DIP2B: variants seen among roughly 807,000 people sequenced by gnomAD.
DIP2B encodes the protein disco-interacting protein 2 homolog B.
DIP2B carries 76 observed loss-of-function variants against 198.0 expected under a neutral mutation model. The observed-to-expected ratio is 0.38, with a 90% confidence interval of 0.32 to 0.46. The LOEUF (loss-of-function observed/expected upper bound fraction) is 0.46, where lower values mean the gene tolerates loss of function less well. DIP2B is among the 20% of genes least tolerant of loss of function. The probability of loss-of-function intolerance (pLI) is 0.99; values close to 1 mark genes in which losing one functional copy is unlikely to be tolerated. For synonymous variants in DIP2B, 701 were observed against 739.1 expected, an observed-to-expected ratio of 0.95 and a Z score of 0.84; for missense variants, 1,559 against 1,978.4, an observed-to-expected ratio of 0.79 and a Z score of 4.02.
intron 25 of DIP2B, 66 bp downstream of exon 25, chr12:50,719,101 T>A (rs761481763): frequency 8.1e-5 from 122 of 1,506,580 alleles, no homozygotes; most frequent in Non-Finnish European, 1.1e-4. Flanking sequence ...GCACTCTTGA[T>A]CTCTTTCTTT....
At chr12:50,630,898 T>G (rs1251977910) in intron 2 of DIP2B, among the ~76,000 whole-genome samples, 1 of 152,002 alleles carries the variant, frequency 6.6e-6, no homozygotes, top group Admixed American at 6.6e-5. Flanking sequence ...CTCGAACTCC[T>G]GACCTCAGGT....
At chr12:50,695,797 T>C in intron 15 of DIP2B, 51 bp from the exon 16 acceptor site, 1 of 1,605,572 alleles carries the variant, frequency 6.2e-7, no homozygotes, top group Non-Finnish European at 8.5e-7. Flanking sequence ...GTGTATTACA[T>C]ATGTCCCAAA....
intron 1 of DIP2B, among the ~76,000 whole-genome samples, chr12:50,530,113 G>C (rs1789355279): frequency 1.3e-5 from 2 of 151,932 alleles, no homozygotes; most frequent in South Asian, 4.2e-4. Flanking sequence ...GTCTCTCTCT[G>C]TCGCCCAGGC....
intron 8 of DIP2B, chr12:50,679,334 A>T (rs543051507): frequency 2.3e-5 from 4 of 171,758 alleles, no homozygotes; most frequent in African/African-American, 7.2e-5. Flanking sequence ...TTTCTTTTTA[A>T]AATAACTTCA....
chr12:50,591,997 C>T (rs958300644), intron 1 of DIP2B, among the ~76,000 whole-genome samples: 1 of 151,680 alleles, frequency 6.6e-6, no homozygotes, highest in African/African-American at 2.4e-5. Context: ...CCTGCCTCAG[C>T]CTCCCAAGTA....
At chr12:50,688,471 G>A (rs2090851) in intron 12 of DIP2B, among the ~76,000 whole-genome samples, 89,924 of 151,622 alleles carry the variant, frequency 0.59, 27,658 homozygotes, top group Non-Finnish European at 0.69. Context: ...GAGTAACATA[G>A]TGAGACCCTG....
chr12:50,519,563 A>G (rs1958097221), intron 1 of DIP2B, among the ~76,000 whole-genome samples: 1 of 152,206 alleles, frequency 6.6e-6, no homozygotes, highest in Non-Finnish European at 1.5e-5. Flanking sequence ...AATATTTTGG[A>G]TGCTACATGG....
intron 36 of DIP2B, 151 bp downstream of exon 36, chr12:50,739,737 A>G: frequency 1.9e-6 from 2 of 1,043,896 alleles, no homozygotes; most frequent in Non-Finnish European, 2.7e-6. Flanking sequence ...CTTCATTTGG[A>G]GTCATGCCTT....
At chr12:50,673,400 A>C (rs1403413810) in intron 5 of DIP2B, among the ~76,000 whole-genome samples, 2 of 152,268 alleles carry the variant, frequency 1.3e-5, no homozygotes, top group African/African-American at 4.8e-5. Context: ...ACAGAAAGCC[A>C]CTAAAAAACT....
intron 1 of DIP2B, among the ~76,000 whole-genome samples, chr12:50,536,978 G>T (rs1297731410): frequency 6.6e-6 from 1 of 151,082 alleles, no homozygotes; most frequent in East Asian, 1.9e-4. Flanking sequence ...CTTTAGTTCT[G>T]ACTCTGACAC....
chr12:50,612,528 A>C (rs1404366073), intron 1 of DIP2B, among the ~76,000 whole-genome samples: 1 of 150,592 alleles, frequency 6.6e-6, no homozygotes, highest in African/African-American at 2.4e-5. Flanking sequence ...TCCCAGGCTC[A>C]AGTGATTCTC....
chr12:50,522,045 G>T (rs1000036055), intron 1 of DIP2B, among the ~76,000 whole-genome samples: 3 of 151,848 alleles, frequency 2.0e-5, no homozygotes. Context: ...CTGTCACCCA[G>T]ACTGGAGTGC....
Position 50,720,549 on chromosome 12 carries a change from A to G in DIP2B, c.3043-724A>G, listed in dbSNP as rs570488108. Among the ~76,000 whole-genome samples, 6 of 152,160 alleles carry G rather than the reference A, an allele frequency of 3.9e-5. No homozygotes were observed. In the South Asian group the frequency reaches 1.2e-3, roughly 32 times the overall value. On this transcript the variant is annotated intron_variant, in intron 25 of 37. Coordinates refer to ENST00000301180, the MANE Select transcript of DIP2B (RefSeq NM_173602.3). ...TACTTTTATGACAGAAAATTTGGGGACTTTCTTGTTCCACCTCTGCATGAA... is the reference window on the plus strand; with the variant it reads ...TACTTTTATGACAGAAAATTTGGGGGCTTTCTTGTTCCACCTCTGCATGAA...
chr12:50,664,830 G>GGTTTTTTTTTT (rs1938718323), intron 4 of DIP2B, among the ~76,000 whole-genome samples: 1 of 99,686 alleles, frequency 1.0e-5, no homozygotes, highest in African/African-American at 4.2e-5. Flanking sequence ...TCCTTTTTTG[G>GGTTTTTTTTTT]TTTTTGTTTT....
Position 50,625,976 on chromosome 12 carries a change from G to A in DIP2B, c.101G>A (p.Gly34Glu). 6.2e-7 allele frequency: 1 copy of A among 1,613,836 alleles called. No homozygotes were observed. Among genetic ancestry groups the A allele is most frequent in the Non-Finnish European group, 8.5e-7 (1 of 1,179,884 alleles). ...CTATTTCTGTTTCTTGCTATTTTAG[G>A]GGACATCACCCAGAAGGGCTATGAA... ...LAELELELSE[G>E]DITQKGYEKK... Residue 34 changes from glycine (G) to glutamate (E), a missense_variant and splice_region_variant, in exon 2 of 38, where the codon GGG (glycine) becomes GAG (glutamate). Transcript: ENST00000301180.
chr12:50,674,708 C>G lies in DIP2B; in HGVS notation c.796+79C>G, dbSNP rs1400463743. On this transcript the variant is annotated intron_variant, in intron 6 of 37. Coordinates refer to ENST00000301180, the MANE Select transcript of DIP2B (RefSeq NM_173602.3). ...TCAAATTATGAATGATAGCTCCTAA[C>G]TAGCCCAGCAGCTGCAGAACTGCAT... The G allele has an allele frequency of 2.6e-6, 4 of 1,552,210 alleles. No homozygotes were observed. In the East Asian group the frequency reaches 9.1e-5, roughly 36 times the overall value.
intron 1 of DIP2B, among the ~76,000 whole-genome samples, chr12:50,583,177 C>G (rs1254463000): frequency 2.0e-5 from 3 of 152,174 alleles, no homozygotes; most frequent in Non-Finnish European, 4.4e-5. Context: ...TATTACATAT[C>G]TTTTCCTCAA....
At chr12:50,675,534 G>A in intron 7 of DIP2B, 86 bp downstream of exon 7, 1 of 1,286,298 alleles carries the variant, frequency 7.8e-7, no homozygotes, top group Non-Finnish European at 1.1e-6. Context: ...TAGGGTTAAA[G>A]AATGAACAAG....
chr12:50,707,791 C>T (rs189543895), intron 21 of DIP2B, among the ~76,000 whole-genome samples: 6 of 152,132 alleles, frequency 3.9e-5, no homozygotes, highest in Non-Finnish European at 8.8e-5. Context: ...GACATTTGAG[C>T]GGAGACCTCC....
Sources: allele counts gnomAD v4.1 joint callset (sites outside exome capture counted in the v4.1 genomes callset), GRCh38; gene constraint gnomAD v4.1.1; transcripts MANE v1.5; gene names NCBI Gene and HGNC (gene_info 2026-07-23, HGNC 2026-07-21).